WDR41: variants seen among roughly 807,000 people sequenced by gnomAD.
WDR41 encodes WD repeat-containing protein 41.
Under a neutral mutation model 69.3 loss-of-function variants are expected in WDR41, and 63 were observed. That is an observed-to-expected ratio of 0.91 (90% CI 0.74 to 1.12). WDR41 has a LOEUF of 1.12. WDR41 is among the 50% of genes most tolerant of loss of function. The pLI, the probability that WDR41 is intolerant of heterozygous loss-of-function variation, is 0.00. For synonymous variants in WDR41, 185 were observed against 192.1 expected, an observed-to-expected ratio of 0.96 and a Z score of 0.31; for missense variants, 543 against 534.5, an observed-to-expected ratio of 1.02 and a Z score of -0.16.
rs377128692 is a variant in WDR41 at position 77,517,209 on chromosome 5, A to G, written c.43-27637T>C. On this transcript the variant is annotated intron_variant, in intron 1 of 5. Transcript: ENST00000509971. ...ATGCTCAGATAAAAATTTTATTGGT[A>G]ACAATAAAGATGGATCTAGGGGAAC... Among the ~76,000 whole-genome samples, 501 of 152,208 alleles carry G rather than the reference A, an allele frequency of 3.3e-3. 5 individuals are homozygous for G. Among genetic ancestry groups the G allele is most frequent in the African/African-American group, 0.012 (485 of 41,526 alleles).
intron 2 of WDR41, among the ~76,000 whole-genome samples, chr5:77,482,685 G>T (rs1253341203): frequency 1.3e-5 from 2 of 151,972 alleles, no homozygotes; most frequent in Non-Finnish European, 1.5e-5. Flanking sequence ...TGGCTATCTT[G>T]TGTGTGTATG....
rs1164972300 is a variant in WDR41, at chr5:77,433,228, A to G, written c.1287T>C (p.Ile429=). 2 of 1,613,762 alleles carry G rather than the reference A, an allele frequency of 1.2e-6. No individual in the cohort carries two copies. Among genetic ancestry groups the G allele is most frequent in the South Asian group, 1.1e-5 (1 of 90,804 alleles). Residue 429 remains isoleucine, a synonymous_variant, in exon 13 of 13, where the codon ATT becomes ATC. Transcript: ENST00000296679. ...ATTCTCGCTCTCCATTTTTCCACAA[A>G]ATAATGAGATGATCAGCGGAGCACG... ...LVTCSADHLI[I]LWKNGERESG...
chr5:77,509,834 T>A (rs2112170063), intron 1 of WDR41, among the ~76,000 whole-genome samples: 1 of 152,376 alleles, frequency 6.6e-6, no homozygotes, highest in Non-Finnish European at 1.5e-5. Context: ...GGGTAGATTA[T>A]ATGATATGTG....
chr5:77,535,645 C>A (rs1382126900), intron 1 of WDR41, among the ~76,000 whole-genome samples: 6 of 152,146 alleles, frequency 3.9e-5, no homozygotes, highest in Non-Finnish European at 7.3e-5. Flanking sequence ...GGAAAGGGAA[C>A]AGTTGGCCTA....
intron 1 of WDR41, among the ~76,000 whole-genome samples, chr5:77,511,966 C>G (rs1802210112): frequency 6.6e-6 from 1 of 152,080 alleles, no homozygotes; most frequent in African/African-American, 2.4e-5. Context: ...ACCTATTCCA[C>G]TTCTACCATT....
intron 1 of WDR41, among the ~76,000 whole-genome samples, chr5:77,504,742 T>C (rs536968075): frequency 3.9e-5 from 6 of 152,164 alleles, no homozygotes; most frequent in South Asian, 2.1e-4. Flanking sequence ...ATAAACGTAA[T>C]CCATCACATA....
intron 12 of WDR41, 23 bp downstream of exon 12, chr5:77,436,238 A>G: frequency 6.3e-7 from 1 of 1,599,356 alleles, no homozygotes. Flanking sequence ...TTGCTTGGAC[A>G]TTCTGTGGCT....
chr5:77,582,375 C>CA, intron 1 of WDR41: 1 of 1,608,198 alleles, frequency 6.2e-7, no homozygotes, highest in Non-Finnish European at 8.5e-7. Context: ...CGGCTGGAAC[C>CA]ATGGAGGGTG....
chr5:77,473,417 T>C (rs140080098), intron 2 of WDR41, among the ~76,000 whole-genome samples: 2,753 of 152,268 alleles, frequency 0.018, 35 homozygotes, highest in Middle Eastern at 0.061. Context: ...CCAAAAGCAA[T>C]GGCTACAAAA....
chr5:77,573,376 T>G (rs1580017284), intron 1 of WDR41, among the ~76,000 whole-genome samples: 1 of 152,126 alleles, frequency 6.6e-6, no homozygotes, highest in African/African-American at 2.4e-5. Context: ...CCTATCAGAT[T>G]CTCTTAATAT....
intron 8 of WDR41, among the ~76,000 whole-genome samples, chr5:77,447,097 A>C (rs1037366793): frequency 1.3e-5 from 2 of 152,202 alleles, no homozygotes; most frequent in Non-Finnish European, 2.9e-5. Flanking sequence ...ACCCCATCAA[A>C]AAGTGGGCAA....
At chr5:77,451,947 A>G (rs965851086) in intron 6 of WDR41, 9 of 152,218 alleles carry the variant, frequency 5.9e-5, no homozygotes, top group South Asian at 4.1e-4. Context: ...AACTTCTACA[A>G]GGCATGTTAC....
chr5:77,517,842 C>G (rs534297995), intron 1 of WDR41, among the ~76,000 whole-genome samples: 1 of 151,828 alleles, frequency 6.6e-6, no homozygotes, highest in East Asian at 1.9e-4. Flanking sequence ...TAAGAAGAAA[C>G]GAACATTTTG....
intron 8 of WDR41, among the ~76,000 whole-genome samples, chr5:77,441,934 C>T (rs983840096): frequency 8.6e-5 from 13 of 151,480 alleles, no homozygotes; most frequent in Admixed American, 1.3e-4. Flanking sequence ...GGTCAGTAAA[C>T]GTGAAAAGAT....
intron 1 of WDR41, among the ~76,000 whole-genome samples, chr5:77,541,011 T>C (rs1194125592): frequency 2.6e-5 from 4 of 152,036 alleles, no homozygotes; most frequent in Admixed American, 6.6e-5. Flanking sequence ...ATCAATATAA[T>C]TCAGTAGGGG....
At position 77,433,041 on chromosome 5, in the gene WDR41, A is replaced by G. The variant is rs1345900495; in HGVS notation, c.*94T>C. The G allele has an allele frequency of 1.3e-5, 17 of 1,351,602 alleles. No individual in the cohort carries two copies. Among genetic ancestry groups the G allele is most frequent in the Non-Finnish European group, 1.6e-5 (16 of 1,020,530 alleles). The allele number at this position is 1,351,602 out of a possible 1,614,324, so 83.7% of individuals were successfully genotyped here. ...ATTTTATGGACTGACAAAAAAAATT[A>G]CCAATTTAAGTGATCAATATATTAA... is the stretch of plus-strand genomic sequence containing the variant. On this transcript the variant is annotated 3_prime_UTR_variant, in exon 13 of 13. Transcript: ENST00000296679.
intron 2 of WDR41, among the ~76,000 whole-genome samples, chr5:77,482,533 C>T (rs542787639): frequency 1.3e-4 from 20 of 151,790 alleles, no homozygotes; most frequent in African/African-American, 3.9e-4. Flanking sequence ...TTTTCCTGTG[C>T]TGTTATCCAA....
chr5:77,462,409 C>A (rs955284633), intron 4 of WDR41, among the ~76,000 whole-genome samples: 821 of 101,798 alleles, frequency 8.1e-3, no homozygotes, highest in Non-Finnish European at 0.012. Context: ...AACTCCGTCT[C>A]AAAAAAAAAA....
At chr5:77,498,960 A>G (rs982377547) in intron 1 of WDR41, among the ~76,000 whole-genome samples, 2 of 152,242 alleles carry the variant, frequency 1.3e-5, no homozygotes, top group African/African-American at 4.8e-5. Flanking sequence ...TCTTTAAAAG[A>G]CACTGTTAAG....
Sources: gnomAD v4.1 joint callset for allele counts (sites outside exome capture counted in the v4.1 genomes callset) on GRCh38, gnomAD v4.1.1 for gene constraint, MANE v1.5 for transcripts, NCBI Gene and HGNC (gene_info 2026-07-23, HGNC 2026-07-21) for gene names.